ELMO1: variants seen among roughly 807,000 people sequenced by gnomAD.
The protein encoded by ELMO1 is engulfment and cell motility 1.
ELMO1 carries 26 observed loss-of-function variants against 98.9 expected under a neutral mutation model. That is an observed-to-expected ratio of 0.26 (90% CI 0.19 to 0.36). ELMO1 has a LOEUF of 0.36. ELMO1 is among the 10% of genes least tolerant of loss of function. ELMO1 has a pLI of 1.00. For synonymous variants in ELMO1, 346 were observed against 346.0 expected (o/e 1.00, Z 0.00); for missense variants, 627 against 935.2 (o/e 0.67, Z 4.30).
intron 13 of ELMO1, among the ~76,000 whole-genome samples, chr7:37,161,034 G>C (rs868134394): frequency 6.6e-6 from 1 of 152,130 alleles, no homozygotes; most frequent in Admixed American, 6.5e-5. Flanking sequence ...CTCTCTCACT[G>C]GCCTGCTGTG....
At chr7:37,208,071 T>G (rs556718921) in intron 13 of ELMO1, among the ~76,000 whole-genome samples, 1 of 152,358 alleles carries the variant, frequency 6.6e-6, no homozygotes, top group African/African-American at 2.4e-5. Flanking sequence ...TCTTGCCTTG[T>G]TGGCGCAATG....
intron 16 of ELMO1, among the ~76,000 whole-genome samples, chr7:36,998,512 G>A (rs553826045): frequency 9.9e-4 from 150 of 151,948 alleles, no homozygotes; most frequent in Non-Finnish European, 1.7e-3. Flanking sequence ...TATCTTAGGT[G>A]CATTGTATAC....
intron 17 of ELMO1, among the ~76,000 whole-genome samples, chr7:36,888,620 T>C (rs1370343225): frequency 6.6e-6 from 1 of 152,238 alleles, no homozygotes; most frequent in Non-Finnish European, 1.5e-5. Flanking sequence ...TCTTTCCTGC[T>C]GTGACTCCCA....
chr7:36,957,771 G>A (rs989993596), intron 16 of ELMO1, among the ~76,000 whole-genome samples: 2 of 152,120 alleles, frequency 1.3e-5, no homozygotes, highest in Admixed American at 1.3e-4. Flanking sequence ...CCCAAGTGTG[G>A]AGAGAACAAT....
chr7:36,921,523 T>A (rs1242426768), intron 16 of ELMO1, among the ~76,000 whole-genome samples: 1 of 152,224 alleles, frequency 6.6e-6, no homozygotes, highest in Non-Finnish European at 1.5e-5. Context: ...GATGTTATTA[T>A]TATTGCTATT....
chr7:37,316,664 T>A (rs1799180859), intron 2 of ELMO1, among the ~76,000 whole-genome samples: 1 of 152,094 alleles, frequency 6.6e-6, no homozygotes. Flanking sequence ...CCCAGAGATG[T>A]GGAAACTCTT....
At chr7:37,069,217 A>G (rs760656068) in intron 15 of ELMO1, among the ~76,000 whole-genome samples, 1 of 152,164 alleles carries the variant, frequency 6.6e-6, no homozygotes, top group Non-Finnish European at 1.5e-5. Flanking sequence ...CCACTTCCCC[A>G]GTAAGTCTAA....
At chr7:37,321,388 C>G (rs1799481532) in intron 2 of ELMO1, among the ~76,000 whole-genome samples, 1 of 152,082 alleles carries the variant, frequency 6.6e-6, no homozygotes, top group Non-Finnish European at 1.5e-5. Context: ...TTTCTGTAGA[C>G]CCGCTGAATA....
intron 4 of ELMO1, among the ~76,000 whole-genome samples, chr7:37,295,710 G>A (rs1311394693): frequency 6.6e-6 from 1 of 151,994 alleles, no homozygotes; most frequent in Non-Finnish European, 1.5e-5. Context: ...CTAGAAGGAG[G>A]AAAAAAAGCT....
At chr7:37,049,535 G>A (rs1418748930) in intron 15 of ELMO1, among the ~76,000 whole-genome samples, 1 of 152,100 alleles carries the variant, frequency 6.6e-6, no homozygotes. Flanking sequence ...GGAGCCTGCT[G>A]TATCCTTCTC....
intron 3 of ELMO1, 64 bp from the exon 4 acceptor site, chr7:37,314,986 T>C: frequency 6.7e-7 from 1 of 1,482,950 alleles, no homozygotes; most frequent in South Asian, 1.2e-5. Context: ...TTTACAATTT[T>C]TTAGTGTTGG....
chr7:37,369,565 A>T (rs925831067), intron 1 of ELMO1, among the ~76,000 whole-genome samples: 26 of 152,072 alleles, frequency 1.7e-4, no homozygotes, highest in Admixed American at 4.6e-4. Context: ...TAACTATTTG[A>T]ATGAAAAAGA....
chr7:37,192,953 T>A (rs138978513), intron 13 of ELMO1, among the ~76,000 whole-genome samples: 3,066 of 135,730 alleles, frequency 0.023, 119 homozygotes, highest in African/African-American at 0.075. Context: ...ACATATATAT[T>A]TTTTATATAT....
intron 16 of ELMO1, among the ~76,000 whole-genome samples, chr7:36,993,621 T>C (rs958949675): frequency 1.4e-4 from 21 of 152,188 alleles, no homozygotes; most frequent in Non-Finnish European, 2.9e-4. Flanking sequence ...ATAACATAAT[T>C]TGTGGAGAAA....
At chr7:37,403,238 A>C (rs1310006509) in intron 1 of ELMO1, among the ~76,000 whole-genome samples, 1 of 152,208 alleles carries the variant, frequency 6.6e-6, no homozygotes, top group Non-Finnish European at 1.5e-5. Context: ...CATTCTAGAA[A>C]AGGCAAAACT....
At chr7:37,172,176 A>T (rs531184938) in intron 13 of ELMO1, among the ~76,000 whole-genome samples, 1 of 152,274 alleles carries the variant, frequency 6.6e-6, no homozygotes, top group Admixed American at 6.5e-5. Flanking sequence ...AAGCAATTCC[A>T]TATGGAGAGT....
chr7:37,033,459 G>A, intron 15 of ELMO1: 1 of 450,948 alleles, frequency 2.2e-6, no homozygotes. Flanking sequence ...CGAAAATGAA[G>A]CAAAACCAAT....
intron 4 of ELMO1, among the ~76,000 whole-genome samples, chr7:37,286,162 T>C (rs1262470597): frequency 6.6e-6 from 1 of 151,644 alleles, no homozygotes; most frequent in East Asian, 1.9e-4. Flanking sequence ...ACAATGCAAA[T>C]AGTGGTCTGT....
intron 14 of ELMO1, 90 bp from the exon 15 acceptor site, chr7:37,096,817 G>C (rs777438230): frequency 2.6e-5 from 31 of 1,188,512 alleles, no homozygotes; most frequent in African/African-American, 4.5e-5. Context: ...TGAATACATA[G>C]ATCCACTTCA....
Sources: gnomAD v4.1 joint callset for allele counts (sites outside exome capture counted in the v4.1 genomes callset) on GRCh38, gnomAD v4.1.1 for gene constraint, MANE v1.5 for transcripts, NCBI Gene and HGNC (gene_info 2026-07-23, HGNC 2026-07-21) for gene names.